The following CCDC50 variants were observed in gnomAD, a reference collection of about 807,000 sequenced individuals.
The protein encoded by CCDC50 is coiled-coil domain containing 50, also known as coiled-coil domain-containing protein 50.
A neutral mutation model predicts 70.2 loss-of-function variants in CCDC50; 54 were observed. The ratio of observed to expected loss-of-function variants is 0.77; its 90% CI spans 0.62 to 0.96. CCDC50 has a LOEUF of 0.96. Ranked by LOEUF, CCDC50 falls within the 50% of genes least tolerant of loss-of-function variation. CCDC50 has a pLI of 0.00. For missense variants in CCDC50, 558 were observed against 578.7 expected (o/e 0.96, Z 0.37); for synonymous variants, 216 against 198.8 (o/e 1.09, Z -0.73).
chr3:191,336,464 T>A (rs1018770067), intron 1 of CCDC50, among the ~76,000 whole-genome samples: 1 of 152,198 alleles, frequency 6.6e-6, no homozygotes, highest in Admixed American at 6.5e-5. Context: ...GCTATTCTTA[T>A]ATTGTTTGTT....
At position 191,380,922 on chromosome 3, in the gene CCDC50, C is replaced by T. The variant is rs758438006; in HGVS notation, c.1232C>T (p.Pro411Leu). Residue 411 changes from proline to leucine, a missense_variant, in exon 9 of 12, where the codon CCC (proline) becomes CTC (leucine). Transcript: ENST00000392455. ...KSSLDKRKQDPEWKPKTAKAA... is the reference protein window; with the variant it reads ...KSSLDKRKQDLEWKPKTAKAA... The stretch of plus-strand genomic sequence containing the variant: ...TCTTTGGACAAAAGAAAGCAAGACC[C>T]CGAGTGGAAGGTAGAGTGTGTTTTG... 3 of 1,611,540 alleles carry T rather than the reference C, an allele frequency of 1.9e-6. No homozygotes were observed. Among genetic ancestry groups the T allele is most frequent in the African/African-American group, 1.3e-5 (1 of 74,736 alleles).
intron 1 of CCDC50, among the ~76,000 whole-genome samples, chr3:191,341,237 G>T (rs981970542): frequency 2.0e-5 from 3 of 152,130 alleles, no homozygotes; most frequent in Non-Finnish European, 4.4e-5. Flanking sequence ...CTAATTATAA[G>T]AATTTATTAA....
In CCDC50 at chr3:191,361,118, A is replaced by G. The variant is rs765407189; in HGVS notation, c.289A>G (p.Ile97Val). The change falls in exon 4 of 12, where the codon ATT (isoleucine) becomes GTT (valine). Residue 97 changes from isoleucine to valine, a missense_variant. Ile to Val is a conservative substitution (Grantham distance 29, BLOSUM62 3). Transcript: ENST00000392455. ...IAQEIQEKLAIEAERRRIQEK... is the reference protein window; with the variant it reads ...IAQEIQEKLAVEAERRRIQEK... The stretch of plus-strand genomic sequence containing the variant: ...TCAGGAAATTCAGGAGAAGCTGGCT[A>G]TTGAGGCAGAGAGACGACGCATTCA... 1.9e-6 allele frequency: 3 copies of G among 1,613,686 alleles called. No homozygotes were observed. Among genetic ancestry groups the G allele is most frequent in the African/African-American group, 1.3e-5 (1 of 74,896 alleles).
chr3:191,376,239 T>TA (rs2108663855), intron 6 of CCDC50, among the ~76,000 whole-genome samples: 1 of 152,310 alleles, frequency 6.6e-6, no homozygotes, highest in Non-Finnish European at 1.5e-5. Context: ...CTTAGGAACT[T>TA]AAAAGTTTAA....
Position 191,369,903 on chromosome 3 carries a change from C to T in CCDC50, c.331-16C>T, listed in dbSNP as rs1576965712. ...CTTTGGTAATGTGTATTTCCATTCT[C>T]CTCTTGTCTTTGCAGGACATAGCTC... On this transcript the variant is annotated splice_polypyrimidine_tract_variant and intron_variant, in intron 4 of 11. Transcript: ENST00000392455. 7 of 1,566,640 alleles carry T rather than the reference C, an allele frequency of 4.5e-6. No individual in the cohort carries two copies. The highest frequency in any genetic ancestry group is 6.2e-6 in the Non-Finnish European group (7 of 1,137,500).
chr3:191,329,665 C>T lies in CCDC50; in HGVS notation c.-10C>T. 1 of 1,607,868 alleles carries T rather than the reference C, an allele frequency of 6.2e-7. No individual in the cohort carries two copies. Among genetic ancestry groups the T allele is most frequent in the African/African-American group, 1.3e-5 (1 of 74,850 alleles). ...CCGCGTTAAAGGGGCAACCGGGACC[C>T]TGGCCCGGTATGGCTGAAGTCAGCA... is the stretch of plus-strand genomic sequence containing the variant. On this transcript the variant is annotated 5_prime_UTR_variant, in exon 1 of 12. Transcript: ENST00000392455.
chr3:191,374,610 A>T (rs1713028336), intron 5 of CCDC50, among the ~76,000 whole-genome samples: 1 of 152,184 alleles, frequency 6.6e-6, no homozygotes, highest in Non-Finnish European at 1.5e-5. Flanking sequence ...TGATAGTTTT[A>T]TTGGCATTTC....
intron 2 of CCDC50, among the ~76,000 whole-genome samples, chr3:191,357,778 G>A (rs1712340734): frequency 6.6e-6 from 1 of 152,166 alleles, no homozygotes; most frequent in Non-Finnish European, 1.5e-5. Flanking sequence ...GTTGCCGTGT[G>A]ACCAAAGGCA....
At chr3:191,364,982 G>C (rs539076200) in intron 4 of CCDC50, among the ~76,000 whole-genome samples, 1 of 152,156 alleles carries the variant, frequency 6.6e-6, no homozygotes, top group East Asian at 1.9e-4. Flanking sequence ...ACTGGACTCT[G>C]TGAATTAGTG....
intron 10 of CCDC50, among the ~76,000 whole-genome samples, chr3:191,388,976 GA>G (rs1713592447): frequency 6.7e-6 from 1 of 148,578 alleles, no homozygotes; most frequent in East Asian, 2.0e-4. Flanking sequence ...GTATTACATA[GA>G]ATTTGCAAAT....
At chr3:191,346,415 T>C (rs1711926632) in intron 1 of CCDC50, among the ~76,000 whole-genome samples, 2 of 152,332 alleles carry the variant, frequency 1.3e-5, no homozygotes, top group South Asian at 4.1e-4. Flanking sequence ...TCTGGTACCT[T>C]CTAAATTTAA....
intron 10 of CCDC50, among the ~76,000 whole-genome samples, chr3:191,387,839 C>T (rs1713551252): frequency 6.6e-6 from 1 of 152,060 alleles, no homozygotes; most frequent in South Asian, 2.1e-4. Context: ...TTTTTGACTG[C>T]CTAATGACAT....
intron 4 of CCDC50, among the ~76,000 whole-genome samples, chr3:191,368,520 C>T (rs1454607137): frequency 6.6e-6 from 1 of 151,890 alleles, no homozygotes; most frequent in East Asian, 1.9e-4. Flanking sequence ...ATAAATATTG[C>T]TAATTTACCT....
Position 191,350,478 on chromosome 3 carries a change from T to A in CCDC50, c.50-6610T>A, listed in dbSNP as rs549476759. Among the ~76,000 whole-genome samples, 7 of 142,092 alleles carry A rather than the reference T, an allele frequency of 4.9e-5. 3 individuals are homozygous for A. The highest frequency in any genetic ancestry group is 1.1e-4 in the Non-Finnish European group (7 of 62,980). 93.2% of individuals were successfully genotyped at this position (142,092 alleles called of 152,430 possible). ...AGTTAATGTGGTATTAATCCAGGCA[T>A]TTTTATGTGGATGGAAGCTTTTAAA... is the stretch of plus-strand genomic sequence containing the variant. On this transcript the variant is annotated intron_variant, in intron 1 of 11. Coordinates refer to ENST00000392455, the MANE Select transcript of CCDC50 (RefSeq NM_178335.3).
chr3:191,379,960 A>G (rs1170793871), intron 6 of CCDC50, among the ~76,000 whole-genome samples, 199 bp from the exon 7 acceptor site: 1 of 151,990 alleles, frequency 6.6e-6, no homozygotes, highest in African/African-American at 2.4e-5. Context: ...TCTTTGTTTA[A>G]ATGTATGCAT....
intron 1 of CCDC50, among the ~76,000 whole-genome samples, chr3:191,338,140 A>T (rs973642028): frequency 3.9e-5 from 6 of 152,170 alleles, no homozygotes; most frequent in African/African-American, 1.4e-4. Flanking sequence ...TTATAAGGAT[A>T]TCTTTCCCTC....
Position 191,375,283 on chromosome 3 carries a change from G to A in CCDC50, c.670G>A (p.Glu224Lys). The change falls in exon 6 of 12, where the codon GAA (glutamate) becomes AAA (lysine). Residue 224 changes from glutamate to lysine, a missense_variant. Glu to Lys is a moderately conservative substitution (Grantham distance 56). Coordinates refer to ENST00000392455, the MANE Select transcript of CCDC50 (RefSeq NM_178335.3). ...TCCCCATATTAACAATGAGCAGCAT[G>A]AAAGGAAACGGTCCACTCAGGAGAG... is the stretch of plus-strand genomic sequence containing the variant. Reference protein sequence around the residue: ...DNPHINNEQHERKRSTQERPR... With the variant: ...DNPHINNEQHKRKRSTQERPR... 6.2e-7 allele frequency: 1 copy of A among 1,613,722 alleles called. No homozygotes were observed. Among genetic ancestry groups the A allele is most frequent in the Middle Eastern group, 1.7e-4 (1 of 6,054 alleles).
At position 191,391,845 on chromosome 3, in the gene CCDC50, TC is replaced by T; in HGVS notation, c.*86del. 8.0e-7 allele frequency: 1 copy of T among 1,245,860 alleles called. No individual in the cohort carries two copies. The highest frequency in any genetic ancestry group is 1.2e-6 in the Non-Finnish European group (1 of 859,316). The allele number at this position is 1,245,860 out of a possible 1,614,324, so 77.2% of individuals were successfully genotyped here. On this transcript the variant is annotated 3_prime_UTR_variant, in exon 12 of 12. Coordinates refer to ENST00000392455, the MANE Select transcript of CCDC50 (RefSeq NM_178335.3). ...GAATGAATTCTACACTTACTTTTTT[TC>T]TCCTGTGTTTGCATTCCTGGGATTT...
chr3:191,376,154 C>T (rs1004302036), intron 6 of CCDC50, among the ~76,000 whole-genome samples: 1 of 152,106 alleles, frequency 6.6e-6, no homozygotes, highest in East Asian at 1.9e-4. Flanking sequence ...ATGGAAATGT[C>T]TGGGTTTCAC....
Sources: allele counts gnomAD v4.1 joint callset (sites outside exome capture counted in the v4.1 genomes callset), GRCh38; gene constraint gnomAD v4.1.1; transcripts MANE v1.5; gene names NCBI Gene and HGNC (gene_info 2026-07-23, HGNC 2026-07-21).